The following EML4 variants were observed in gnomAD, a reference collection of about 807,000 sequenced individuals.
EML4 encodes the protein EMAP like 4.
Under a neutral mutation model 129.0 loss-of-function variants are expected in EML4, and 72 were observed. The observed-to-expected ratio is 0.56, with a 90% confidence interval of 0.46 to 0.68. EML4 has a LOEUF of 0.68. Ranked by LOEUF, EML4 falls within the 30% of genes least tolerant of loss-of-function variation. EML4 has a pLI of 0.00. For missense variants in EML4, 1,363 were observed against 1,190.6 expected, an observed-to-expected ratio of 1.14 and a Z score of -2.13; for synonymous variants, 532 against 405.0, an observed-to-expected ratio of 1.31 and a Z score of -3.77.
chr2:42,190,879 A>G (rs1671540461), intron 1 of EML4, among the ~76,000 whole-genome samples: 1 of 152,218 alleles, frequency 6.6e-6, no homozygotes, highest in Non-Finnish European at 1.5e-5. Flanking sequence ...ATTGCAAAAA[A>G]TTCTTTTACT....
intron 20 of EML4, 83 bp from the exon 21 acceptor site, chr2:42,326,071 G>A (rs774126547): frequency 5.2e-5 from 80 of 1,530,368 alleles, no homozygotes; most frequent in Non-Finnish European, 6.8e-5. Context: ...ACAAGTAAAC[G>A]TGGCTAGTTT....
intron 1 of EML4, among the ~76,000 whole-genome samples, chr2:42,198,712 AG>A (rs1331248102): frequency 6.6e-5 from 10 of 152,280 alleles, no homozygotes; most frequent in Middle Eastern, 3.4e-3. Flanking sequence ...GAGAGTTGTG[AG>A]GATTTGGAAT....
chr2:42,245,085 A>ATTTCTTTTTTTTTTTTTTTTTT (rs1558535322), intron 1 of EML4, among the ~76,000 whole-genome samples: 2 of 42,148 alleles, frequency 4.7e-5, no homozygotes, highest in Non-Finnish European at 8.6e-5. Flanking sequence ...TTGTTTTGAA[A>ATTTCTTTTTTTTTTTTTTTTTT]TTTTCTTTCT....
In EML4 at chr2:42,269,696, C is replaced by T. The variant is rs115239920; in HGVS notation, c.667+4965C>T. ...AAAGGATTTTATGAACAGAGGAAGC[C>T]GTTCATAAAAGTATATAAGTATATA... On this transcript the variant is annotated intron_variant, in intron 6 of 22. Coordinates refer to ENST00000318522, the MANE Select transcript of EML4 (RefSeq NM_019063.5). 6.6e-3 allele frequency among the ~76,000 whole-genome samples: 1,000 copies of T among 152,064 alleles called. 6 individuals carry two copies. Among genetic ancestry groups the T allele is most frequent in the African/African-American group, 0.023 (954 of 41,458 alleles).
At chr2:42,258,985 G>A (rs757096373) in intron 3 of EML4, among the ~76,000 whole-genome samples, 6 of 152,136 alleles carry the variant, frequency 3.9e-5, no homozygotes, top group African/African-American at 7.2e-5. Flanking sequence ...AGTGGCTCAC[G>A]CCTGTAATCC....
Position 42,225,775 on chromosome 2 carries a change from T to G in EML4, c.26-19730T>G, listed in dbSNP as rs187109800. ...TGCATTTTTCTATTGGATTGATGTG[T>G]TTTTTTATTGCTTTATAGGCAATAT... On this transcript the variant is annotated intron_variant, in intron 1 of 22. Coordinates refer to ENST00000318522, the MANE Select transcript of EML4 (RefSeq NM_019063.5). 1.2e-4 allele frequency among the ~76,000 whole-genome samples: 19 copies of G among 152,224 alleles called. 1 individual carries two copies. Among genetic ancestry groups the G allele is most frequent in the African/African-American group, 3.4e-4 (14 of 41,522 alleles).
intron 1 of EML4, among the ~76,000 whole-genome samples, chr2:42,206,096 C>A (rs993334422): frequency 6.6e-6 from 1 of 152,106 alleles, no homozygotes; most frequent in East Asian, 1.9e-4. Context: ...AGTAAGTAAA[C>A]GTTTGTACGA....
intron 5 of EML4, 92 bp downstream of exon 5, chr2:42,263,398 CTTTTTTTTTTT>C (rs67401314): frequency 3.8e-5 from 9 of 234,578 alleles, no homozygotes; most frequent in East Asian, 2.4e-4. Context: ...TGGTTTGAAT[CTTTTTTTTTTT>C]TTTTTTTTTT....
At chr2:42,192,518 G>T (rs562215869) in intron 1 of EML4, among the ~76,000 whole-genome samples, 2 of 151,972 alleles carry the variant, frequency 1.3e-5, no homozygotes, top group African/African-American at 4.8e-5. Context: ...GGGATTACAG[G>T]CATCAGCCAC....
intron 11 of EML4, among the ~76,000 whole-genome samples, chr2:42,291,029 G>A (rs1430894527): frequency 1.3e-5 from 2 of 152,172 alleles, no homozygotes; most frequent in Admixed American, 1.3e-4. Context: ...CAAGACTTAT[G>A]TAATTAAGAC....
intron 1 of EML4, among the ~76,000 whole-genome samples, chr2:42,218,242 C>T (rs1039070877): frequency 6.6e-6 from 1 of 151,872 alleles, no homozygotes. Flanking sequence ...GTTGCTCACT[C>T]CTTATGAGAA....
At chr2:42,221,463 G>A (rs903886280) in intron 1 of EML4, among the ~76,000 whole-genome samples, 4 of 137,100 alleles carry the variant, frequency 2.9e-5, no homozygotes, top group Non-Finnish European at 4.6e-5. Context: ...AGGCTAGAGC[G>A]CAGTAGTGCT....
intron 1 of EML4, among the ~76,000 whole-genome samples, chr2:42,212,227 T>TCATCTG (rs1452954027): frequency 3.9e-5 from 6 of 152,220 alleles, no homozygotes; most frequent in South Asian, 2.1e-4. Context: ...GACTTTCTGA[T>TCATCTG]CATCTGTTAA....
chr2:42,211,046 C>T (rs1572550179), intron 1 of EML4, among the ~76,000 whole-genome samples: 1 of 152,190 alleles, frequency 6.6e-6, no homozygotes, highest in Admixed American at 6.5e-5. Context: ...TTACACACTT[C>T]ACTGGAGCAT....
intron 2 of EML4, among the ~76,000 whole-genome samples, chr2:42,250,962 C>A (rs1056497262): frequency 1.1e-4 from 17 of 152,160 alleles, no homozygotes; most frequent in Admixed American, 3.9e-4. Flanking sequence ...CAACCTAGAT[C>A]CCTCACATGT....
At chr2:42,248,295 A>G (rs1451109958) in intron 2 of EML4, among the ~76,000 whole-genome samples, 1 of 152,208 alleles carries the variant, frequency 6.6e-6, no homozygotes, top group Non-Finnish European at 1.5e-5. Flanking sequence ...GAAAAATTTT[A>G]AAGATATTTT....
intron 1 of EML4, among the ~76,000 whole-genome samples, chr2:42,194,642 C>T (rs1017403223): frequency 6.6e-6 from 1 of 151,970 alleles, no homozygotes; most frequent in African/African-American, 2.4e-5. Flanking sequence ...TCCCAAGTAG[C>T]TGGGACTACT....
intron 6 of EML4, among the ~76,000 whole-genome samples, chr2:42,277,101 C>T (rs1435130320): frequency 6.6e-6 from 1 of 152,018 alleles, no homozygotes; most frequent in Non-Finnish European, 1.5e-5. Context: ...TTTGCTATAC[C>T]TACACTCCTT....
intron 1 of EML4, among the ~76,000 whole-genome samples, chr2:42,186,820 A>G (rs905502574): frequency 5.3e-5 from 8 of 152,116 alleles, no homozygotes; most frequent in Non-Finnish European, 7.4e-5. Flanking sequence ...GCTGTCCTTT[A>G]CATATAATAA....
Sources: gnomAD v4.1 joint callset for allele counts (sites outside exome capture counted in the v4.1 genomes callset) on GRCh38, gnomAD v4.1.1 for gene constraint, MANE v1.5 for transcripts, NCBI Gene and HGNC (gene_info 2026-07-23, HGNC 2026-07-21) for gene names.